Variants in UGT1A6 observed in about 807,000 individuals in gnomAD.
UGT1A6 encodes the protein UDP glucuronosyltransferase family 1 member A6, also known as UDP-glucuronosyltransferase 1A6.
UGT1A6 carries 32 observed loss-of-function variants against 44.4 expected under a neutral mutation model. The observed-to-expected ratio is 0.72, with a 90% CI of 0.54 to 0.97. The LOEUF is 0.97. UGT1A6 is among the 50% of genes least tolerant of loss of function. The pLI, the probability that UGT1A6 is intolerant of heterozygous loss-of-function variation, is 0.00. For missense variants in UGT1A6, 685 were observed against 661.9 expected (o/e 1.03, Z -0.38); for synonymous variants, 238 against 248.5 (o/e 0.96, Z 0.40).
At chr2:233,723,300 C>G (rs2077076246) in intron 1 of UGT1A6, among the ~76,000 whole-genome samples, 1 of 117,154 alleles carries the variant, frequency 8.5e-6, no homozygotes, top group South Asian at 3.3e-4. Flanking sequence ...ACCTCTGCCT[C>G]CCAGGTTCAA....
chr2:233,753,848 G>C (rs1695327702), intron 1 of UGT1A6, among the ~76,000 whole-genome samples: 1 of 152,148 alleles, frequency 6.6e-6, no homozygotes, highest in African/African-American at 2.4e-5. Context: ...GTATATCATT[G>C]ACCAACCACA....
intron 1 of UGT1A6, among the ~76,000 whole-genome samples, chr2:233,757,990 G>A (rs1696768799): frequency 6.6e-6 from 1 of 152,054 alleles, no homozygotes; most frequent in Non-Finnish European, 1.5e-5. Flanking sequence ...ACCATCCCCT[G>A]TAATTGCCTG....
At chr2:233,729,756 G>A in intron 1 of UGT1A6, 1 of 1,613,874 alleles carries the variant, frequency 6.2e-7, no homozygotes, top group Non-Finnish European at 8.5e-7. Context: ...TCATGCAAAG[G>A]GTCAAGAACA....
rs561829360 is a variant in UGT1A6, at chr2:233,716,811, T to C, written c.861+22946T>C. On this transcript the variant is annotated intron_variant, in intron 1 of 4. Coordinates refer to ENST00000305139, the MANE Select transcript of UGT1A6 (RefSeq NM_001072.4). ...GCCTTTTTCTGTCTCTGGACGTTGC[T>C]GGGGTGACCTCACTGACACCCATGG... 6.6e-5 allele frequency among the ~76,000 whole-genome samples: 10 copies of C among 152,310 alleles called. No homozygotes were observed. The East Asian group carries it at 9.6e-4, about 15-fold the overall frequency.
At chr2:233,705,203 C>T (rs1366859032) in intron 1 of UGT1A6, among the ~76,000 whole-genome samples, 1 of 151,508 alleles carries the variant, frequency 6.6e-6, no homozygotes, top group Non-Finnish European at 1.5e-5. Flanking sequence ...CCTTTTATAA[C>T]TACATGATTA....
At position 233,772,516 on chromosome 2, in the gene UGT1A6, A is replaced by G. The variant is rs1559420819; in HGVS notation, c.1556A>G (p.Lys519Arg). 3 of 1,614,208 alleles carry G rather than the reference A, an allele frequency of 1.9e-6. No homozygotes were observed. Among genetic ancestry groups the G allele is most frequent in the East Asian group, 2.2e-5 (1 of 44,880 alleles). ...TATGGCTACCGGAAATGCTTGGGGAAAAAAGGGCGAGTTAAGAAAGCCCAC... is the reference window on the plus strand; with the variant it reads ...TATGGCTACCGGAAATGCTTGGGGAGAAAAGGGCGAGTTAAGAAAGCCCAC... ...CAYGYRKCLGKKGRVKKAHKS... is the reference protein window; with the variant it reads ...CAYGYRKCLGRKGRVKKAHKS... The change falls in exon 5 of 5, where the codon AAA becomes AGA. Residue 519 changes from lysine (K) to arginine (R), a missense_variant. Transcript: ENST00000305139.
intron 1 of UGT1A6, among the ~76,000 whole-genome samples, chr2:233,711,224 G>A (rs1203779034): frequency 2.0e-5 from 3 of 152,198 alleles, no homozygotes; most frequent in Non-Finnish European, 4.4e-5. Context: ...CTCCCATGTC[G>A]CTGAAGGCAC....
At chr2:233,713,300 A>T in intron 1 of UGT1A6, 1 of 1,614,272 alleles carries the variant, frequency 6.2e-7, no homozygotes, top group Non-Finnish European at 8.5e-7. Context: ...TCTTTGAAAC[A>T]GAACATCTTC....
rs532756025 is a variant in UGT1A6, at chr2:233,692,941, A to C, written c.-64A>C. ...AGTGGTTAGTTTAGGGAAAATACCT[A>C]GGAGCCCTGTGATTTGGAGAGTGAA... On this transcript the variant is annotated 5_prime_UTR_variant, in exon 1 of 5. Coordinates refer to ENST00000305139, the MANE Select transcript of UGT1A6 (RefSeq NM_001072.4). The C allele has an allele frequency of 2.0e-5, 32 of 1,595,742 alleles. No individual in the cohort carries two copies. In the South Asian group the frequency reaches 3.5e-4, roughly 17 times the overall value.
In UGT1A6 at chr2:233,755,096, G is replaced by C. The variant is rs62191920; in HGVS notation, c.862-11938G>C. 1.4e-3 allele frequency: 1,898 copies of C among 1,334,450 alleles called. 9 individuals are homozygous for C. The highest frequency in any genetic ancestry group is 1.7e-3 in the Non-Finnish European group (1,703 of 992,024). 82.7% of individuals were successfully genotyped at this position (1,334,450 alleles called of 1,614,324 possible). A position where few individuals can be genotyped will look rare whatever the true frequency, so the allele number is the denominator to read the frequency against. ...GGTCATAGATATCGCGTTTCTACGC[G>C]TCCGACAACACCTCGTAGGCCTCAG... On this transcript the variant is annotated intron_variant, in intron 1 of 4. Transcript: ENST00000305139.
chr2:233,766,892 A>G (rs576495684), intron 1 of UGT1A6, 142 bp from the exon 2 acceptor site: 332 of 1,471,416 alleles, frequency 2.3e-4, no homozygotes, highest in Admixed American at 7.8e-4. Context: ...AAACTTACAT[A>G]TTAATAATTT....
intron 1 of UGT1A6, among the ~76,000 whole-genome samples, chr2:233,706,484 G>A (rs1195112005): frequency 1.3e-5 from 2 of 152,226 alleles, no homozygotes; most frequent in Non-Finnish European, 2.9e-5. Flanking sequence ...GGGTACATGA[G>A]GGTGTCCAGG....
intron 1 of UGT1A6, among the ~76,000 whole-genome samples, chr2:233,695,470 T>C (rs763759412): frequency 6.6e-6 from 1 of 151,968 alleles, no homozygotes; most frequent in Non-Finnish European, 1.5e-5. Context: ...ATTGGCCCTT[T>C]AGATGTTTTT....
intron 1 of UGT1A6, among the ~76,000 whole-genome samples, chr2:233,724,367 G>T (rs1413054411): frequency 2.0e-5 from 3 of 147,986 alleles, no homozygotes; most frequent in Admixed American, 1.3e-4. Context: ...CCCGGACGGG[G>T]TGGCTGCCGG....
intron 1 of UGT1A6, among the ~76,000 whole-genome samples, chr2:233,708,088 A>G (rs940204280): frequency 1.3e-5 from 2 of 152,196 alleles, no homozygotes; most frequent in African/African-American, 4.8e-5. Context: ...CTTTTATTCA[A>G]ACGAATTAGA....
chr2:233,730,367 A>T (rs2078022058), intron 1 of UGT1A6, among the ~76,000 whole-genome samples: 1 of 152,122 alleles, frequency 6.6e-6, no homozygotes, highest in Admixed American at 6.5e-5. Context: ...TGCTAGCATG[A>T]TTTTCAGGGG....
At chr2:233,719,152 C>A in intron 1 of UGT1A6, 1 of 1,614,260 alleles carries the variant, frequency 6.2e-7, no homozygotes. Flanking sequence ...AAGAGATATT[C>A]TAGAAGTATG....
At chr2:233,744,144 C>G (rs1446501937) in intron 1 of UGT1A6, 4 of 335,984 alleles carry the variant, frequency 1.2e-5, no homozygotes, top group Non-Finnish European at 2.3e-5. Context: ...CTGTGATGCT[C>G]CAAGACCAGG....
At chr2:233,701,614 C>A (rs1194546253) in intron 1 of UGT1A6, among the ~76,000 whole-genome samples, 1 of 152,080 alleles carries the variant, frequency 6.6e-6, no homozygotes, top group Non-Finnish European at 1.5e-5. Context: ...CCTCAGCAAA[C>A]GTAAAAGAAC....
Sources: allele counts gnomAD v4.1 joint callset (sites outside exome capture counted in the v4.1 genomes callset), GRCh38; gene constraint gnomAD v4.1.1; transcripts MANE v1.5; gene names NCBI Gene and HGNC (gene_info 2026-07-23, HGNC 2026-07-21).